The following CDH2 variants were observed in gnomAD, a reference collection of about 807,000 sequenced individuals.
CDH2 encodes the protein cadherin-2.
A neutral mutation model predicts 92.0 loss-of-function variants in CDH2; 17 were observed. That is an observed-to-expected ratio of 0.18 (90% CI 0.13 to 0.28). The LOEUF (loss-of-function observed/expected upper bound fraction) is 0.28. CDH2 is among the 10% of genes least tolerant of loss of function. CDH2 has a pLI of 1.00. For missense variants in CDH2, 862 were observed against 1,133.1 expected, an observed-to-expected ratio of 0.76 and a Z score of 3.44; for synonymous variants, 419 against 415.9, an observed-to-expected ratio of 1.01 and a Z score of -0.09.
At chr18:28,030,784 AT>A (rs1205201864) in intron 2 of CDH2, among the ~76,000 whole-genome samples, 6 of 152,018 alleles carry the variant, frequency 3.9e-5, no homozygotes, top group African/African-American at 1.4e-4. Context: ...TGAGCCTGAA[AT>A]TCCCAAATTA....
Position 27,997,955 on chromosome 18 carries a change from C to T in CDH2, c.1021-4318G>A, listed in dbSNP as rs527440547. Reference sequence around the variant, plus strand: ...CCGAGTAGCTGGGACTACAGGCGCCCGCAACCACGCCTGGCTAATTTTTTG... The same window carrying T: ...CCGAGTAGCTGGGACTACAGGCGCCTGCAACCACGCCTGGCTAATTTTTTG... On this transcript the variant is annotated intron_variant, in intron 7 of 15. Coordinates refer to ENST00000269141, the MANE Select transcript of CDH2 (RefSeq NM_001792.5). 9.2e-5 allele frequency among the ~76,000 whole-genome samples: 14 copies of T among 152,114 alleles called. No individual in the cohort carries two copies. In the South Asian group the frequency reaches 1.2e-3, roughly 14 times the overall value.
Position 27,982,947 on chromosome 18 carries a change from GTCT to G in CDH2, c.2343_2345del (p.Glu781del). ...AAAGATTTAAAGCACTGCTCACCTG[GTCT>G]TCTTCTCCTCCACCTTCTTCATCAT... On this transcript the variant is annotated inframe_deletion, in exon 14 of 16. Transcript: ENST00000269141. 1 of 1,592,568 alleles carries G rather than the reference GTCT, an allele frequency of 6.3e-7. No individual in the cohort carries two copies. The highest frequency in any genetic ancestry group is 8.6e-7 in the Non-Finnish European group (1 of 1,166,828).
At chr18:28,029,971 C>A (rs1347915881) in intron 2 of CDH2, among the ~76,000 whole-genome samples, 1 of 152,076 alleles carries the variant, frequency 6.6e-6, no homozygotes, top group Non-Finnish European at 1.5e-5. Context: ...GATGTCCAGG[C>A]AAGCATCCTG....
intron 11 of CDH2, among the ~76,000 whole-genome samples, chr18:27,986,493 T>C (rs2143958604): frequency 6.6e-6 from 1 of 152,310 alleles, no homozygotes; most frequent in East Asian, 1.9e-4. Context: ...TCCACTATAA[T>C]AAAATGCTGT....
intron 2 of CDH2, among the ~76,000 whole-genome samples, chr18:28,133,050 C>T (rs557147951): frequency 6.6e-6 from 1 of 152,268 alleles, no homozygotes; most frequent in South Asian, 2.1e-4. Flanking sequence ...ATTCAAACTG[C>T]CCTTCTTGAA....
chr18:28,001,519 T>C (rs1038959312), intron 7 of CDH2, among the ~76,000 whole-genome samples: 3 of 152,212 alleles, frequency 2.0e-5, no homozygotes, highest in African/African-American at 2.4e-5. Flanking sequence ...TAATAAATTA[T>C]GGCATTCATG....
At chr18:28,019,783 A>G (rs1391237850) in intron 2 of CDH2, among the ~76,000 whole-genome samples, 2 of 152,142 alleles carry the variant, frequency 1.3e-5, no homozygotes, top group African/African-American at 4.8e-5. Context: ...ATTTGCTCAA[A>G]TATTAAAATA....
intron 6 of CDH2, among the ~76,000 whole-genome samples, chr18:28,004,611 GA>G (rs1264427685): frequency 1.3e-5 from 2 of 151,386 alleles, no homozygotes; most frequent in East Asian, 1.9e-4. Context: ...AAATAATAGA[GA>G]AAAAAAAGAA....
In CDH2 at chr18:28,175,704, C is replaced by T. The variant is rs113831282; in HGVS notation, c.60+1259G>A. Among the ~76,000 whole-genome samples the T allele has an allele frequency of 6.7e-4, 102 of 152,334 alleles. 2 individuals carry two copies. The highest frequency in any genetic ancestry group is 2.4e-3 in the African/African-American group (98 of 41,584). The stretch of plus-strand genomic sequence containing the variant: ...GGGTAATCCACACCACCTGTCTCCA[C>T]CCCCGGAGCAGGCACTTCCGAGCTG... On this transcript the variant is annotated intron_variant, in intron 1 of 15. Coordinates refer to ENST00000269141, the MANE Select transcript of CDH2 (RefSeq NM_001792.5).
At chr18:28,014,760 T>C (rs1471236800) in intron 2 of CDH2, among the ~76,000 whole-genome samples, 1 of 151,806 alleles carries the variant, frequency 6.6e-6, no homozygotes, top group African/African-American at 2.4e-5. Flanking sequence ...CTGTCTTAAA[T>C]GCTATGACAG....
At chr18:28,065,540 A>G (rs139016663) in intron 2 of CDH2, among the ~76,000 whole-genome samples, 54 of 152,290 alleles carry the variant, frequency 3.5e-4, no homozygotes, top group East Asian at 2.3e-3. Flanking sequence ...TTACTCCTCT[A>G]CATTCCCAGA....
intron 2 of CDH2, among the ~76,000 whole-genome samples, chr18:28,059,072 T>C (rs1910660780): frequency 6.6e-6 from 1 of 152,212 alleles, no homozygotes; most frequent in Admixed American, 6.5e-5. Context: ...CTTGGTATTA[T>C]CCTCCTGAGA....
At chr18:27,939,700 T>A (rs537337343) in intron 6 of CDH2, among the ~76,000 whole-genome samples, 1 of 152,318 alleles carries the variant, frequency 6.6e-6, no homozygotes, top group East Asian at 1.9e-4. Context: ...GTTCTTATAC[T>A]ATGTGGTTTA....
At chr18:28,086,497 T>C (rs1334654584) in intron 2 of CDH2, among the ~76,000 whole-genome samples, 2 of 152,076 alleles carry the variant, frequency 1.3e-5, no homozygotes, top group African/African-American at 2.4e-5. Flanking sequence ...ACAAAAATCT[T>C]CAGAGTGTAC....
chr18:27,968,836 G>GA (rs889677210), intron 14 of CDH2, among the ~76,000 whole-genome samples: 3 of 151,990 alleles, frequency 2.0e-5, no homozygotes, highest in East Asian at 1.9e-4. Context: ...AATTCTGAAG[G>GA]AAAAAAAATA....
intron 2 of CDH2, among the ~76,000 whole-genome samples, chr18:28,113,754 A>T (rs889921486): frequency 6.6e-6 from 1 of 152,170 alleles, no homozygotes; most frequent in African/African-American, 2.4e-5. Flanking sequence ...GGAATATTCA[A>T]TACTGCTATA....
At chr18:28,174,946 G>T (rs2016515435) in intron 1 of CDH2, among the ~76,000 whole-genome samples, 1 of 152,136 alleles carries the variant, frequency 6.6e-6, no homozygotes, top group South Asian at 2.1e-4. Flanking sequence ...TGTAAAAAAT[G>T]TATCACATCT....
At chr18:27,943,371 T>G (rs1909189720) in intron 6 of CDH2, among the ~76,000 whole-genome samples, 1 of 152,158 alleles carries the variant, frequency 6.6e-6, no homozygotes, top group Non-Finnish European at 1.5e-5. Flanking sequence ...TAATAGAGCT[T>G]CTCCATCTCA....
At chr18:28,067,572 T>C (rs1213723902) in intron 2 of CDH2, among the ~76,000 whole-genome samples, 1 of 152,224 alleles carries the variant, frequency 6.6e-6, no homozygotes, top group Admixed American at 6.5e-5. Flanking sequence ...TTCATTCCTG[T>C]TCATGACTAA....
Sources: allele counts gnomAD v4.1 joint callset (sites outside exome capture counted in the v4.1 genomes callset), GRCh38; gene constraint gnomAD v4.1.1; transcripts MANE v1.5; gene names NCBI Gene and HGNC (gene_info 2026-07-23, HGNC 2026-07-21).